ZC3H12B: variants seen among roughly 807,000 people sequenced by gnomAD.
ZC3H12B encodes the protein zinc finger CCCH-type containing 12B, also known as probable ribonuclease ZC3H12B.
In ZC3H12B, 7 loss-of-function variants were observed where a neutral mutation model predicts 43.9. The ratio of observed to expected loss-of-function variants is 0.16; its 90% CI spans 0.09 to 0.30. The LOEUF is 0.30. Among genes scored for constraint, ZC3H12B ranks in the 10% least tolerant of loss-of-function variants. The pLI, the probability that ZC3H12B is intolerant of heterozygous loss-of-function variation, is 1.00. For synonymous variants in ZC3H12B, 222 were observed against 241.7 expected (o/e 0.92, Z 0.76); for missense variants, 475 against 670.2 (o/e 0.71, Z 3.22).
chrX:65,116,380 G>T, the ZC3H12B span, among the ~76,000 whole-genome samples: 1 of 110,675 alleles, frequency 9.0e-6, no homozygotes, highest in Non-Finnish European at 1.9e-5. Context: ...TTATTTATGG[G>T]TTCTCTATTC....
intron 3 of ZC3H12B, among the ~76,000 whole-genome samples, chrX:65,410,638 A>C (rs1033118678): frequency 1.0e-5 from 1 of 95,363 alleles, no homozygotes; most frequent in Non-Finnish European, 1.9e-5. Flanking sequence ...ATAAACTGAC[A>C]AAAAAAAATA....
chrX:65,175,031 A>G, the ZC3H12B span, among the ~76,000 whole-genome samples: 2 of 112,263 alleles, frequency 1.8e-5, no homozygotes, highest in Admixed American at 1.9e-4. Context: ...GTGTAGGTGC[A>G]TGAGGGAATC....
the ZC3H12B span, among the ~76,000 whole-genome samples, chrX:65,175,358 CA>C: frequency 8.1e-5 from 9 of 111,508 alleles, no homozygotes; most frequent in African/African-American, 2.0e-4. Flanking sequence ...TTGCATGTAA[CA>C]TTTTTTTTTT....
the ZC3H12B span, among the ~76,000 whole-genome samples, chrX:65,191,638 T>C: frequency 1.9e-5 from 1 of 52,377 alleles, no homozygotes; most frequent in Non-Finnish European, 3.0e-5. Flanking sequence ...GTGGGATCAG[T>C]GGTGATATCC....
chrX:65,238,715 G>C, the ZC3H12B span, among the ~76,000 whole-genome samples: 13 of 111,602 alleles, frequency 1.2e-4, no homozygotes, highest in Non-Finnish European at 2.3e-4. Flanking sequence ...TTTGTAATGT[G>C]GGCATTCAGT....
chrX:65,135,469 G>T, the ZC3H12B span, among the ~76,000 whole-genome samples: 1 of 108,485 alleles, frequency 9.2e-6, no homozygotes, highest in Middle Eastern at 4.9e-3. Flanking sequence ...TTCTTTGGTT[G>T]TTTTCAGGAT....
chrX:65,045,233 A>G, the ZC3H12B span, among the ~76,000 whole-genome samples: 1 of 111,278 alleles, frequency 9.0e-6, no homozygotes, highest in Non-Finnish European at 1.9e-5. Flanking sequence ...ACAAAAAAGG[A>G]AGTTTGTTGC....
intron 3 of ZC3H12B, among the ~76,000 whole-genome samples, chrX:65,481,923 G>A: frequency 9.0e-6 from 1 of 111,492 alleles, no homozygotes; most frequent in East Asian, 2.8e-4. Flanking sequence ...TTTCATCTGG[G>A]AGATTTTTGG....
chrX:65,136,231 G>A, the ZC3H12B span, among the ~76,000 whole-genome samples: 1 of 111,598 alleles, frequency 9.0e-6, no homozygotes, highest in Admixed American at 9.5e-5. Context: ...CTTCTAGGTG[G>A]AGGTAATAGT....
At chrX:65,305,994 T>C in the ZC3H12B span, among the ~76,000 whole-genome samples, 1 of 112,060 alleles carries the variant, frequency 8.9e-6, no homozygotes, top group African/African-American at 3.2e-5. Context: ...CACTGAGAAA[T>C]GACCTTTTGT....
chrX:65,158,265 T>A, the ZC3H12B span, among the ~76,000 whole-genome samples: 1 of 111,178 alleles, frequency 9.0e-6, no homozygotes, highest in East Asian at 2.8e-4. Flanking sequence ...CAGCATGATT[T>A]ACAGTTCTTT....
the ZC3H12B span, among the ~76,000 whole-genome samples, chrX:65,117,435 A>G: frequency 9.0e-6 from 1 of 111,639 alleles, no homozygotes; most frequent in Non-Finnish European, 1.9e-5. Flanking sequence ...AATTTGTTTA[A>G]GTTTTTTTGT....
the ZC3H12B span, among the ~76,000 whole-genome samples, chrX:65,206,043 T>G: frequency 8.9e-6 from 1 of 112,090 alleles, no homozygotes; most frequent in Non-Finnish European, 1.9e-5. Flanking sequence ...AACACCATGC[T>G]CATGGATGGC....
At chrX:65,428,847 C>T (rs2067115629) in intron 3 of ZC3H12B, among the ~76,000 whole-genome samples, 1 of 112,664 alleles carries the variant, frequency 8.9e-6, no homozygotes, top group Non-Finnish European at 1.9e-5. Context: ...AAGTTTTTGG[C>T]ATTTTTGCAT....
chrX:65,289,674 C>G, the ZC3H12B span, among the ~76,000 whole-genome samples: 2 of 109,807 alleles, frequency 1.8e-5, no homozygotes, highest in African/African-American at 6.6e-5. Flanking sequence ...AATAGAGAAT[C>G]AAGAAATAAA....
chrX:65,489,248 G>A (rs1382237382), exon 1 of ZC3H12B: 6 of 1,209,803 alleles, frequency 5.0e-6, no homozygotes, highest in Non-Finnish European at 6.7e-6. Context: ...TCAGACTTGG[G>A]AACAAAGGTG....
chrX:65,188,462 A>G, the ZC3H12B span, among the ~76,000 whole-genome samples: 3 of 101,887 alleles, frequency 2.9e-5, no homozygotes, highest in Admixed American at 2.3e-4. Flanking sequence ...TTTCCTCCAT[A>G]TTGTTGCTGG....
chrX:65,420,874 AAC>A (rs1169699127), intron 3 of ZC3H12B, among the ~76,000 whole-genome samples: 1 of 112,594 alleles, frequency 8.9e-6, no homozygotes, highest in African/African-American at 3.2e-5. Context: ...TGAGCAAATT[AAC>A]ACATTCTCTA....
At chrX:65,395,978 G>A (rs2066691591) in intron 2 of ZC3H12B, among the ~76,000 whole-genome samples, 1 of 111,681 alleles carries the variant, frequency 9.0e-6, no homozygotes, top group Non-Finnish European at 1.9e-5. Flanking sequence ...TTTGTGTAGA[G>A]GTGTTTATAA....
Sources: gnomAD v4.1 joint callset for allele counts (sites outside exome capture counted in the v4.1 genomes callset) on GRCh38, gnomAD v4.1.1 for gene constraint, MANE v1.5 for transcripts, NCBI Gene and HGNC (gene_info 2026-07-23, HGNC 2026-07-21) for gene names.